CDH18: variants seen among roughly 807,000 people sequenced by gnomAD.
CDH18 encodes the protein cadherin-18.
CDH18 carries 31 observed loss-of-function variants against 67.9 expected under a neutral mutation model. The observed-to-expected ratio is 0.46, with a 90% CI of 0.34 to 0.62. The LOEUF is 0.62. CDH18 is among the 20% of genes least tolerant of loss of function. The pLI is 0.01. For synonymous variants in CDH18, 362 were observed against 347.2 expected (o/e 1.04, Z -0.48); for missense variants, 890 against 975.5 (o/e 0.91, Z 1.17).
At chr5:20,339,335 A>C (rs1740050102) in intron 1 of CDH18, among the ~76,000 whole-genome samples, 1 of 152,270 alleles carries the variant, frequency 6.6e-6, no homozygotes, top group South Asian at 2.1e-4. Context: ...ACCATCCAGC[A>C]GCCGGACCTT....
At chr5:20,556,153 A>C (rs1757895594) in intron 1 of CDH18, among the ~76,000 whole-genome samples, 1 of 152,148 alleles carries the variant, frequency 6.6e-6, no homozygotes, top group African/African-American at 2.4e-5. Flanking sequence ...CTGAAGAAAA[A>C]GTCTGATTTT....
intron 2 of CDH18, among the ~76,000 whole-genome samples, chr5:20,117,886 C>CT (rs1216426558): frequency 1.3e-5 from 2 of 152,040 alleles, no homozygotes; most frequent in African/African-American, 2.4e-5. Context: ...GAAGCAACAC[C>CT]TTTTTTTCCT....
intron 7 of CDH18, among the ~76,000 whole-genome samples, chr5:19,588,921 A>C (rs1238117392): frequency 1.3e-5 from 2 of 152,162 alleles, no homozygotes; most frequent in Non-Finnish European, 2.9e-5. Context: ...ACCTTCAAAG[A>C]GACTTAGACT....
intron 3 of CDH18, among the ~76,000 whole-genome samples, chr5:19,829,491 A>T (rs1445710520): frequency 6.6e-6 from 1 of 152,228 alleles, no homozygotes; most frequent in Non-Finnish European, 1.5e-5. Flanking sequence ...ATTTTATAGG[A>T]ATATACCTAA....
At position 19,860,520 on chromosome 5, in the gene CDH18, A is replaced by T. The variant is rs573587655; in HGVS notation, c.-256-21278T>A. On this transcript the variant is annotated intron_variant, in intron 2 of 12. Coordinates refer to ENST00000382275, the MANE Select transcript of CDH18 (RefSeq NM_004934.5). ...TTTTAGTTCATATCATTTACTTTTT[A>T]AAAAAATACCATTTTTATATTGGTC... is the stretch of plus-strand genomic sequence containing the variant. Among the ~76,000 whole-genome samples, 78 of 151,034 alleles carry T rather than the reference A, an allele frequency of 5.2e-4. No individual in the cohort carries two copies. The South Asian group carries it at 0.011, about 22-fold the overall frequency.
At chr5:20,290,415 T>G (rs1473262398) in intron 1 of CDH18, among the ~76,000 whole-genome samples, 1 of 152,098 alleles carries the variant, frequency 6.6e-6, no homozygotes, top group African/African-American at 2.4e-5. Context: ...AGATCAGAGA[T>G]GGCAACATCT....
chr5:19,757,752 A>G (rs139927020), intron 3 of CDH18, among the ~76,000 whole-genome samples: 2,195 of 152,304 alleles, frequency 0.014, 55 homozygotes, highest in African/African-American at 0.051. Flanking sequence ...GTCCCTGGCC[A>G]TCCAGACAAA....
chr5:19,988,390 A>AC (rs1350385897), upstream of CDH18, among the ~76,000 whole-genome samples: 2 of 144,210 alleles, frequency 1.4e-5, no homozygotes, highest in South Asian at 2.3e-4. Flanking sequence ...CCAACCCCCC[A>AC]CCGTGCATAC....
intron 1 of CDH18, among the ~76,000 whole-genome samples, chr5:20,322,163 G>A (rs1738093670): frequency 6.6e-6 from 1 of 152,032 alleles, no homozygotes; most frequent in Non-Finnish European, 1.5e-5. Flanking sequence ...AAATATTCAG[G>A]TGTTAAGAAG....
intron 3 of CDH18, among the ~76,000 whole-genome samples, chr5:19,756,039 T>C (rs985685735): frequency 1.3e-5 from 2 of 152,092 alleles, no homozygotes; most frequent in East Asian, 1.9e-4. Context: ...CCTTGTCAAG[T>C]TGAACCCACA....
At chr5:19,593,686 TCTCTTCCTCTTCCTCCTCCTC>T (rs1745595241) in intron 6 of CDH18, among the ~76,000 whole-genome samples, 1 of 14,752 alleles carries the variant, frequency 6.8e-5, no homozygotes, top group Non-Finnish European at 2.2e-4. Context: ...TCCTCCTCCT[TCTCTTCCTCTTCCTCCTCCTC>T]CTTCTTCTTC....
intron 2 of CDH18, among the ~76,000 whole-genome samples, chr5:20,144,903 T>G (rs1750522353): frequency 6.6e-6 from 1 of 151,944 alleles, no homozygotes; most frequent in Non-Finnish European, 1.5e-5. Context: ...AACTAAAAAG[T>G]AGAGATTGAG....
chr5:20,344,409 G>T (rs1292798568), intron 1 of CDH18, among the ~76,000 whole-genome samples: 1 of 152,038 alleles, frequency 6.6e-6, no homozygotes, highest in Non-Finnish European at 1.5e-5. Context: ...GTATGTCTTG[G>T]TATGGGTAGA....
chr5:20,087,626 C>T (rs996654419), intron 2 of CDH18, among the ~76,000 whole-genome samples: 64 of 152,160 alleles, frequency 4.2e-4, no homozygotes, highest in African/African-American at 1.5e-3. Context: ...AAGATTACAA[C>T]TGGCTAAAGG....
At position 20,043,950 on chromosome 5, in the gene CDH18, C is replaced by T. The variant is rs536301013; in HGVS notation, c.-517-51936G>A. On this transcript the variant is annotated intron_variant, in intron 2 of 14. Coordinates refer to the CDH18 transcript ENST00000507958. ...CTTTATTCTCGAAAGTTATTCTATC[C>T]TTACTTCCCAAACATAAATACATAT... Among the ~76,000 whole-genome samples, 6 of 152,264 alleles carry T rather than the reference C, an allele frequency of 3.9e-5. No individual in the cohort carries two copies. In the South Asian group the frequency reaches 1.2e-3, roughly 32 times the overall value.
intron 1 of CDH18, among the ~76,000 whole-genome samples, chr5:20,533,890 A>G (rs1435500077): frequency 6.6e-6 from 1 of 152,052 alleles, no homozygotes; most frequent in African/African-American, 2.4e-5. Context: ...TTAAAATTTT[A>G]TATTAATCAA....
chr5:19,731,844 C>G (rs989063439), intron 4 of CDH18, among the ~76,000 whole-genome samples: 1 of 151,948 alleles, frequency 6.6e-6, no homozygotes, highest in African/African-American at 2.4e-5. Flanking sequence ...AATCCCAGCA[C>G]GCTGGGAGGC....
At chr5:20,570,999 C>A (rs1181987603) in intron 1 of CDH18, among the ~76,000 whole-genome samples, 3 of 152,140 alleles carry the variant, frequency 2.0e-5, no homozygotes, top group Non-Finnish European at 2.9e-5. Context: ...TTAACATCAT[C>A]TAAGTCCATT....
At chr5:20,065,386 G>T (rs1358256267) in intron 2 of CDH18, among the ~76,000 whole-genome samples, 1 of 151,830 alleles carries the variant, frequency 6.6e-6, no homozygotes, top group Non-Finnish European at 1.5e-5. Flanking sequence ...TATAAAAGTA[G>T]ATTTCCCATA....
Sources: gnomAD v4.1 joint callset for allele counts (sites outside exome capture counted in the v4.1 genomes callset) on GRCh38, gnomAD v4.1.1 for gene constraint, MANE v1.5 for transcripts, NCBI Gene and HGNC (gene_info 2026-07-23, HGNC 2026-07-21) for gene names.